Variants in PRKN observed in about 807,000 individuals in gnomAD.
The protein encoded by PRKN is E3 ubiquitin-protein ligase parkin.
PRKN carries 56 observed loss-of-function variants against 59.5 expected under a neutral mutation model. The observed-to-expected ratio is 0.94, with a 90% CI of 0.76 to 1.18. The LOEUF is 1.18. Ranked by LOEUF, PRKN falls within the 50% of genes most tolerant of loss-of-function variation. The pLI is 0.00. For synonymous variants in PRKN, 250 were observed against 222.1 expected (o/e 1.13, Z -1.12); for missense variants, 657 against 596.4 (o/e 1.10, Z -1.06).
At chr6:162,394,863 A>C (rs1436180173) in intron 2 of PRKN, among the ~76,000 whole-genome samples, 1 of 152,230 alleles carries the variant, frequency 6.6e-6, no homozygotes, top group Non-Finnish European at 1.5e-5. Context: ...GTATATGTTT[A>C]AAGTTTAAAG....
chr6:162,091,823 G>A (rs534756095), intron 4 of PRKN, among the ~76,000 whole-genome samples: 2 of 152,222 alleles, frequency 1.3e-5, no homozygotes, highest in Non-Finnish European at 2.9e-5. Context: ...GACCACTTGG[G>A]CCCAGGAATT....
chr6:161,743,709 CCT>C (rs1309639640), intron 7 of PRKN, among the ~76,000 whole-genome samples: 3 of 152,124 alleles, frequency 2.0e-5, no homozygotes, highest in African/African-American at 7.2e-5. Context: ...CCGAGGAAGG[CCT>C]CACTCTGATA....
intron 3 of PRKN, among the ~76,000 whole-genome samples, chr6:162,227,248 A>G (rs1165835428): frequency 6.6e-6 from 1 of 152,114 alleles, no homozygotes; most frequent in African/African-American, 2.4e-5. Context: ...CCCTTTACTC[A>G]TTGACTATTG....
At chr6:161,892,583 G>A (rs1303861694) in intron 6 of PRKN, among the ~76,000 whole-genome samples, 2 of 151,608 alleles carry the variant, frequency 1.3e-5, no homozygotes, top group African/African-American at 2.4e-5. Context: ...AGAAACTACA[G>A]CAAGTTTGTT....
chr6:162,705,277 T>G (rs1475645497), intron 1 of PRKN, among the ~76,000 whole-genome samples: 1 of 152,130 alleles, frequency 6.6e-6, no homozygotes, highest in Non-Finnish European at 1.5e-5. Context: ...CTTTACTGTT[T>G]CAGAAGAACA....
At chr6:161,408,226 C>A (rs1262414374) in intron 9 of PRKN, among the ~76,000 whole-genome samples, 1 of 150,830 alleles carries the variant, frequency 6.6e-6, no homozygotes, top group African/African-American at 2.4e-5. Context: ...TTACATAAGT[C>A]ATGGCACACC....
intron 6 of PRKN, among the ~76,000 whole-genome samples, chr6:161,788,616 G>A (rs1790517818): frequency 6.8e-6 from 1 of 146,464 alleles, no homozygotes; most frequent in South Asian, 2.1e-4. Context: ...TTGGCACCAG[G>A]TAACAGTGGG....
At chr6:162,155,146 G>A (rs1583116450) in intron 4 of PRKN, among the ~76,000 whole-genome samples, 1 of 149,626 alleles carries the variant, frequency 6.7e-6, no homozygotes, top group Non-Finnish European at 1.5e-5. Context: ...TGTTTCCATT[G>A]AAAAATTACT....
intron 4 of PRKN, among the ~76,000 whole-genome samples, chr6:162,166,306 T>G (rs967827727): frequency 2.6e-5 from 4 of 152,048 alleles, no homozygotes; most frequent in African/African-American, 9.7e-5. Flanking sequence ...AGAGACCACA[T>G]GACTCTTTAT....
chr6:161,350,110 A>G lies in PRKN; in HGVS notation c.1387T>C (p.Phe463Leu), dbSNP rs1374007271. ...CCCGGCCGCCCTGGCTACACGTCGA[A>G]CCAGTGGTCCCCCATGCAGACGCGG... Reference protein sequence around the residue: ...WNRVCMGDHWFDV With the variant: ...WNRVCMGDHWLDV The change falls in exon 12 of 12, where the codon TTC becomes CTC. Residue 463 changes from phenylalanine (F) to leucine (L), a missense_variant. Physicochemically the swap from Phe to Leu is conservative, Grantham distance 22 (BLOSUM62 0). Coordinates refer to ENST00000366898, the MANE Select transcript of PRKN (RefSeq NM_004562.3). 6.2e-7 allele frequency: 1 copy of G among 1,612,626 alleles called. No individual in the cohort carries two copies. The highest frequency in any genetic ancestry group is 1.3e-5 in the African/African-American group (1 of 74,900).
At chr6:161,930,437 C>A (rs77945076) in intron 6 of PRKN, among the ~76,000 whole-genome samples, 2,173 of 152,308 alleles carry the variant, frequency 0.014, 56 homozygotes, top group African/African-American at 0.048. Context: ...AACAAGTCAT[C>A]ATGGATCACA....
chr6:162,310,385 A>G (rs1279618593), intron 2 of PRKN, among the ~76,000 whole-genome samples: 1 of 152,020 alleles, frequency 6.6e-6, no homozygotes, highest in East Asian at 1.9e-4. Flanking sequence ...TGCCATGGTG[A>G]CGGAAGCAGA....
intron 1 of PRKN, among the ~76,000 whole-genome samples, chr6:162,549,720 C>T (rs1779259021): frequency 1.3e-5 from 2 of 151,092 alleles, no homozygotes; most frequent in Admixed American, 6.6e-5. Flanking sequence ...CTCACTGCAA[C>T]CGCTGCCTCC....
chr6:162,180,472 G>C (rs1182699690), intron 4 of PRKN, among the ~76,000 whole-genome samples: 2 of 151,558 alleles, frequency 1.3e-5, no homozygotes, highest in African/African-American at 2.4e-5. Context: ...ATCAGGTCTC[G>C]AATATACTAT....
At chr6:162,178,483 C>T (rs530000308) in intron 4 of PRKN, among the ~76,000 whole-genome samples, 6 of 152,248 alleles carry the variant, frequency 3.9e-5, no homozygotes, top group South Asian at 2.1e-4. Context: ...CCTATGGCTC[C>T]GGTGCTCCAG....
At chr6:161,898,071 A>G (rs1385856371) in intron 6 of PRKN, among the ~76,000 whole-genome samples, 1 of 151,892 alleles carries the variant, frequency 6.6e-6, no homozygotes, top group Admixed American at 6.6e-5. Context: ...GAGTTTTAAG[A>G]AGGATGACTA....
chr6:161,756,623 CT>C (rs1488442969), intron 7 of PRKN, among the ~76,000 whole-genome samples: 1 of 150,726 alleles, frequency 6.6e-6, no homozygotes, highest in African/African-American at 2.4e-5. Context: ...TTCTTTCTTG[CT>C]GTCTTTATGT....
At chr6:162,293,899 C>A (rs1451359772) in intron 2 of PRKN, among the ~76,000 whole-genome samples, 2 of 152,082 alleles carry the variant, frequency 1.3e-5, no homozygotes, top group Non-Finnish European at 2.9e-5. Flanking sequence ...AGGATGGTCT[C>A]GATCTCCTGA....
At chr6:162,377,315 T>C (rs1786165223) in intron 2 of PRKN, among the ~76,000 whole-genome samples, 1 of 152,192 alleles carries the variant, frequency 6.6e-6, no homozygotes, top group South Asian at 2.1e-4. Context: ...CAGAGAGGAC[T>C]GGGCTGGCAT....
Sources: allele counts gnomAD v4.1 joint callset (sites outside exome capture counted in the v4.1 genomes callset), GRCh38; gene constraint gnomAD v4.1.1; transcripts MANE v1.5; gene names NCBI Gene and HGNC (gene_info 2026-07-23, HGNC 2026-07-21).